ECM2: variants seen among roughly 807,000 people sequenced by gnomAD.
ECM2 encodes extracellular matrix protein 2.
ECM2 carries 57 observed loss-of-function variants against 67.5 expected under a neutral mutation model. The ratio of observed to expected loss-of-function variants is 0.84; its 90% CI spans 0.68 to 1.05. The LOEUF (loss-of-function observed/expected upper bound fraction) is 1.05. ECM2 is among the 50% of genes least tolerant of loss of function. The probability of loss-of-function intolerance (pLI) is 0.00; values close to 1 mark genes in which losing one functional copy is unlikely to be tolerated. For missense variants in ECM2, 741 were observed against 822.8 expected, an observed-to-expected ratio of 0.90 and a Z score of 1.22; for synonymous variants, 258 against 294.5, an observed-to-expected ratio of 0.88 and a Z score of 1.27.
chr9:92,493,725 C>T (rs1303353686), downstream of ECM2: 1 of 162,398 alleles, frequency 6.2e-6, no homozygotes, highest in African/African-American at 2.4e-5. Flanking sequence ...TCTAGAACAT[C>T]ATGAAATTTC....
chr9:92,533,887 C>T (rs898227179), intron 1 of ECM2, among the ~76,000 whole-genome samples: 2 of 151,714 alleles, frequency 1.3e-5, no homozygotes, highest in African/African-American at 4.8e-5. Flanking sequence ...GATTCTCATC[C>T]CTTTGTAAGA....
intron 7 of ECM2, 119 bp downstream of exon 7, chr9:92,505,414 T>C (rs1846941030): frequency 1.1e-6 from 1 of 899,906 alleles, no homozygotes; most frequent in African/African-American, 1.8e-5. Flanking sequence ...CAGGAAATTC[T>C]GTATACAGCA....
intron 3 of ECM2, 161 bp downstream of exon 3, chr9:92,517,526 A>AT: frequency 1.1e-6 from 1 of 948,570 alleles, no homozygotes; most frequent in Non-Finnish European, 1.6e-6. Flanking sequence ...CCTACCATAC[A>AT]TTTTCCCAGA....
chr9:92,552,090 A>ATATGATAGATCTATCATATATGTGT, the ECM2 span, among the ~76,000 whole-genome samples: 511 of 127,244 alleles, frequency 4.0e-3, 33 homozygotes, highest in Non-Finnish European at 5.7e-3. Context: ...CATATATGTG[A>ATATGATAGATCTATCATATATGTGT]TATGATAGAT....
the ECM2 span, among the ~76,000 whole-genome samples, chr9:92,556,250 A>T: frequency 6.6e-6 from 1 of 151,884 alleles, no homozygotes; most frequent in Non-Finnish European, 1.5e-5. Context: ...GGTCTGAGAG[A>T]GTGTTGGATA....
At chr9:92,557,413 G>C in the ECM2 span, among the ~76,000 whole-genome samples, 2 of 152,180 alleles carry the variant, frequency 1.3e-5, no homozygotes, top group East Asian at 3.8e-4. Flanking sequence ...CCCCAAATAT[G>C]TTTTTCAAGC....
At position 92,509,881 on chromosome 9, in the gene ECM2, A is replaced by G. The variant is rs374378602; in HGVS notation, c.1306+18T>C. On this transcript the variant is annotated intron_variant, in intron 6 of 9. Coordinates refer to ENST00000344604, the MANE Select transcript of ECM2 (RefSeq NM_001393.4). Reference sequence around the variant, plus strand: ...AGATTATAAGGAAGCATATCATTGAAAAACAAATATTAAATACCTGATAAA... The same window carrying G: ...AGATTATAAGGAAGCATATCATTGAGAAACAAATATTAAATACCTGATAAA... 20 of 1,593,574 alleles carry G rather than the reference A, an allele frequency of 1.3e-5. No individual in the cohort carries two copies. The African/African-American group carries it at 2.6e-4, about 21-fold the overall frequency.
chr9:92,501,536 G>A (rs909694859), intron 8 of ECM2, among the ~76,000 whole-genome samples: 1 of 152,144 alleles, frequency 6.6e-6, no homozygotes, highest in Non-Finnish European at 1.5e-5. Context: ...TGGCACACCT[G>A]GGACTTGAGG....
intron 1 of ECM2, among the ~76,000 whole-genome samples, chr9:92,527,761 C>T (rs1328118337): frequency 2.0e-5 from 3 of 151,444 alleles, no homozygotes; most frequent in Non-Finnish European, 4.4e-5. Context: ...TTAGTAGAAA[C>T]CTACAATGGT....
At chr9:92,524,633 C>T (rs980996763) in intron 1 of ECM2, among the ~76,000 whole-genome samples, 2 of 152,200 alleles carry the variant, frequency 1.3e-5, no homozygotes, top group Non-Finnish European at 2.9e-5. Flanking sequence ...GCCTCAGGTC[C>T]ACTCACTGTC....
At position 92,496,306 on chromosome 9, in the gene ECM2, A is replaced by T. The variant is rs771313353; in HGVS notation, c.*9T>A. 6.4e-7 allele frequency: 1 copy of T among 1,570,408 alleles called. No homozygotes were observed. The highest frequency in any genetic ancestry group is 1.2e-5 in the South Asian group (1 of 82,426). ...GTAAAGTTTATAAACAGCAAAGGAA[A>T]ACTTGGAATTACTTGATGTTTTGTG... On this transcript the variant is annotated 3_prime_UTR_variant, in exon 10 of 10. Coordinates refer to ENST00000344604, the MANE Select transcript of ECM2 (RefSeq NM_001393.4).
chr9:92,547,064 T>A, the ECM2 span, among the ~76,000 whole-genome samples: 1 of 152,166 alleles, frequency 6.6e-6, no homozygotes, highest in Non-Finnish European at 1.5e-5. Context: ...CAACAATATA[T>A]AAATAATATA....
At chr9:92,545,141 G>A in the ECM2 span, among the ~76,000 whole-genome samples, 4 of 152,206 alleles carry the variant, frequency 2.6e-5, no homozygotes, top group African/African-American at 4.8e-5. Context: ...CGCCCACTCT[G>A]GCCGTGCTTG....
intron 9 of ECM2, 38 bp from the exon 10 acceptor site, chr9:92,496,521 A>G (rs764385758): frequency 2.4e-5 from 38 of 1,582,774 alleles, no homozygotes; most frequent in Non-Finnish European, 3.2e-5. Context: ...ACATGGTCCC[A>G]GTAATAATCT....
At chr9:92,536,001 CAG>C (rs1373956886), upstream of ECM2, 3 of 512,094 alleles carry the variant, frequency 5.9e-6, no homozygotes, top group Middle Eastern at 3.2e-4. Flanking sequence ...GAAACAAAAT[CAG>C]AGCTTTCTTT....
At chr9:92,541,803 G>GT in the ECM2 span, among the ~76,000 whole-genome samples, 24 of 150,876 alleles carry the variant, frequency 1.6e-4, no homozygotes, top group East Asian at 3.9e-4. Flanking sequence ...TTCCTTTTTT[G>GT]TTTTTTTTGA....
chr9:92,517,972 A>G, intron 2 of ECM2, 97 bp from the exon 3 acceptor site: 2 of 1,375,728 alleles, frequency 1.5e-6, no homozygotes, highest in Non-Finnish European at 2.0e-6. Context: ...TGCTCTAACC[A>G]CACAAGAATA....
At chr9:92,494,278 C>T (rs776544258), downstream of ECM2, 6 of 790,578 alleles carry the variant, frequency 7.6e-6, no homozygotes, top group East Asian at 1.2e-4. Context: ...ATTTTGTTTA[C>T]AGCTTAGATT....
chr9:92,534,471 A>G (rs1434947522), intron 1 of ECM2, among the ~76,000 whole-genome samples: 1 of 152,212 alleles, frequency 6.6e-6, no homozygotes, highest in Non-Finnish European at 1.5e-5. Flanking sequence ...ACCTTTCTTC[A>G]GCGTATATAT....
Sources: allele counts gnomAD v4.1 joint callset (sites outside exome capture counted in the v4.1 genomes callset), GRCh38; gene constraint gnomAD v4.1.1; transcripts MANE v1.5; gene names NCBI Gene and HGNC (gene_info 2026-07-23, HGNC 2026-07-21).